PROSER2: variants seen among roughly 807,000 people sequenced by gnomAD.
PROSER2 encodes proline and serine-rich protein 2.
PROSER2 carries 18 observed loss-of-function variants against 14.6 expected under a neutral mutation model. That is an observed-to-expected ratio of 1.23 (90% CI 0.85 to 1.83). PROSER2 has a LOEUF of 1.83. Among genes scored for constraint, PROSER2 ranks in the 40% most tolerant of loss-of-function variants. PROSER2 has a pLI of 0.00. For missense variants in PROSER2, 823 were observed against 629.8 expected (o/e 1.31, Z -3.28); for synonymous variants, 367 against 286.4 (o/e 1.28, Z -2.84).
rs564660106 is a variant in PROSER2, at chr10:11,823,628, C to T, written c.-82+158C>T. On this transcript the variant is annotated intron_variant, in intron 1 of 3. Transcript: ENST00000277570. This position sits in a 1 kb window ranked among gnomAD's most constrained non-coding sequence, Gnocchi z 6.2. ...CGCTCCTCGCTCTGACTAGGGGAGC[C>T]CGGCGCCGCCGCCGCAGAGGCCACC... 2.0e-5 allele frequency among the ~76,000 whole-genome samples: 3 copies of T among 151,972 alleles called. No homozygotes were observed. Among genetic ancestry groups the T allele is most frequent in the Non-Finnish European group, 4.4e-5 (3 of 67,882 alleles).
chr10:11,856,411 C>G lies in PROSER2; in HGVS notation c.138+4196C>G, dbSNP rs115155518. Reference sequence around the variant, plus strand: ...AAGTCGGGTCTGCCTTCACACATCCCGAAGCTTCCTCTAGAAGAAATAGGA... The same window carrying G: ...AAGTCGGGTCTGCCTTCACACATCCGGAAGCTTCCTCTAGAAGAAATAGGA... On this transcript the variant is annotated intron_variant, in intron 2 of 3. Coordinates refer to ENST00000277570, the MANE Select transcript of PROSER2 (RefSeq NM_153256.4). The surrounding 1 kb of genome is among the most constrained non-coding windows in gnomAD (Gnocchi z 5.3). Among the ~76,000 whole-genome samples, 1,488 of 152,300 alleles carry G rather than the reference C, an allele frequency of 9.8e-3. 22 individuals carry two copies. The highest frequency in any genetic ancestry group is 0.034 in the African/African-American group (1,419 of 41,558).
chr10:11,825,649 C>T (rs1364153762), intron 1 of PROSER2, among the ~76,000 whole-genome samples: 1 of 152,180 alleles, frequency 6.6e-6, no homozygotes, highest in Non-Finnish European at 1.5e-5. Context: ...CCCTTGTCCC[C>T]TTTCTAGACT....
rs778849460 is a variant in PROSER2 at position 11,866,723 on chromosome 10, G to T, written c.331G>T (p.Val111Leu). 48 of 1,613,820 alleles carry T rather than the reference G, an allele frequency of 3.0e-5. No individual in the cohort carries two copies. Among genetic ancestry groups the T allele is most frequent in the Admixed American group, 6.7e-5 (4 of 60,012 alleles). ...PSEPEDVIDL[V>L]QPAPGAGEAE... Reference sequence around the variant, plus strand: ...CGAGCCTGAAGATGTCATCGACTTAGTGCAGCCAGCACCTGGCGCCGGGGA... The same window carrying T: ...CGAGCCTGAAGATGTCATCGACTTATTGCAGCCAGCACCTGGCGCCGGGGA... Residue 111 changes from valine (V) to leucine (L), a missense_variant, in exon 3 of 4, where the codon GTG becomes TTG. Physicochemically the swap from Val to Leu is conservative, Grantham distance 32. Transcript: ENST00000277570. This position sits in a 1 kb window ranked among gnomAD's most constrained non-coding sequence, Gnocchi z 6.0.
At chr10:11,859,894 T>C (rs1444838449) in intron 2 of PROSER2, among the ~76,000 whole-genome samples, 1 of 152,194 alleles carries the variant, frequency 6.6e-6, no homozygotes, top group Non-Finnish European at 1.5e-5. Flanking sequence ...GCCCCTGCCC[T>C]CATCGCCATG....
At position 11,869,464 on chromosome 10, in the gene PROSER2, TCA is replaced by T. The variant is rs1834419119; in HGVS notation, c.392-23_392-22del. On this transcript the variant is annotated intron_variant, in intron 3 of 3. Transcript: ENST00000277570. This position sits in a 1 kb window ranked among gnomAD's most constrained non-coding sequence, Gnocchi z 4.4. ...ATTTACTTTCACGTGGGCCGGTGGC[TCA>T]CAGGCTCCTCCCTTGTCTTCCAGGG... The T allele has an allele frequency of 1.3e-5, 20 of 1,575,406 alleles. No individual in the cohort carries two copies. Among genetic ancestry groups the T allele is most frequent in the Non-Finnish European group, 1.7e-5 (20 of 1,145,172 alleles).
At position 11,870,170 on chromosome 10, in the gene PROSER2, T is replaced by C; in HGVS notation, c.1072T>C (p.Ser358Pro). Residue 358 changes from serine (S) to proline (P), a missense_variant, in exon 4 of 4, where the codon TCC becomes CCC. Transcript: ENST00000277570. ...AHEALKSAPS[S>P]FAPAGKSLCF... ...CGAGGCCCTGAAGAGCGCACCCAGC[T>C]CCTTCGCGCCCGCTGGGAAGTCCCT... is the stretch of plus-strand genomic sequence containing the variant. 1 of 1,477,134 alleles carries C rather than the reference T, an allele frequency of 6.8e-7. No individual in the cohort carries two copies. The highest frequency in any genetic ancestry group is 8.9e-7 in the Non-Finnish European group (1 of 1,121,184). 91.5% of individuals were successfully genotyped at this position (1,477,134 alleles called of 1,614,324 possible). A position where few individuals can be genotyped will look rare whatever the true frequency, so the allele number is the denominator to read the frequency against.
At chr10:11,824,285 C>G (rs1463129032) in intron 1 of PROSER2, among the ~76,000 whole-genome samples, 1 of 152,060 alleles carries the variant, frequency 6.6e-6, no homozygotes, top group African/African-American at 2.4e-5. Flanking sequence ...ACGTTCAGAT[C>G]TGTAGGAAGA....
At chr10:11,844,621 C>T (rs1442695313) in intron 1 of PROSER2, among the ~76,000 whole-genome samples, 4 of 152,034 alleles carry the variant, frequency 2.6e-5, no homozygotes, top group Non-Finnish European at 5.9e-5. Flanking sequence ...GGAGAGCTTC[C>T]TCATTCTTTT....
At position 11,869,866 on chromosome 10, in the gene PROSER2, C is replaced by T; in HGVS notation, c.768C>T (p.Asn256=). ...AQPKAPRFPS[N]IIVTNGAARE... Reference sequence around the variant, plus strand: ...CCAAGGCACCCCGCTTCCCCAGCAACATCATCGTCACCAACGGCGCGGCCC... The same window carrying T: ...CCAAGGCACCCCGCTTCCCCAGCAATATCATCGTCACCAACGGCGCGGCCC... Residue 256 remains asparagine (N), a synonymous_variant, in exon 4 of 4, where the codon AAC becomes AAT. Transcript: ENST00000277570. The surrounding 1 kb of genome is among the most constrained non-coding windows in gnomAD (Gnocchi z 4.4). The T allele has an allele frequency of 6.3e-7, 1 of 1,594,774 alleles. No individual in the cohort carries two copies. Among genetic ancestry groups the T allele is most frequent in the Non-Finnish European group, 8.5e-7 (1 of 1,172,676 alleles).
rs1834498882 is a variant in PROSER2, at chr10:11,872,023, C to T, written c.*1617C>T. 1 of 152,172 alleles carries T rather than the reference C, an allele frequency of 6.6e-6. No homozygotes were observed. The highest frequency in any genetic ancestry group is 6.5e-5 in the Admixed American group (1 of 15,278). 9.4% of individuals were successfully genotyped at this position (152,172 alleles called of 1,614,324 possible). A position where few individuals can be genotyped will look rare whatever the true frequency, so the allele number is the denominator to read the frequency against. The stretch of plus-strand genomic sequence containing the variant: ...TCAAAAGTAGTTACTGTAAATTTTA[C>T]TCCTGTTAATGCTGGATTGGTTTAA... On this transcript the variant is annotated 3_prime_UTR_variant, in exon 4 of 4. Transcript: ENST00000277570.
intron 2 of PROSER2, among the ~76,000 whole-genome samples, chr10:11,860,553 T>C (rs1187972718): frequency 6.6e-6 from 1 of 151,816 alleles, no homozygotes; most frequent in Non-Finnish European, 1.5e-5. Flanking sequence ...AGGCGGAGAT[T>C]GCAGTGAGCC....
chr10:11,828,949 C>T (rs989050950), intron 1 of PROSER2, among the ~76,000 whole-genome samples: 2 of 152,126 alleles, frequency 1.3e-5, no homozygotes, highest in African/African-American at 4.8e-5. Flanking sequence ...AGCTGGAGAA[C>T]GTAGCATTTG....
chr10:11,849,764 G>C (rs961673593), intron 1 of PROSER2: 1 of 152,364 alleles, frequency 6.6e-6, no homozygotes, highest in African/African-American at 2.4e-5. Flanking sequence ...GAGGACAGCA[G>C]GTGGCGGCTG....
intron 1 of PROSER2, 99 bp from the exon 2 acceptor site, chr10:11,851,898 T>C: frequency 1.9e-6 from 1 of 521,536 alleles, no homozygotes; most frequent in East Asian, 3.5e-5. Context: ...AATGGTCGAG[T>C]CTGAGAGTGG....
At position 11,835,222 on chromosome 10, in the gene PROSER2, G is replaced by A. The variant is rs564943487; in HGVS notation, c.-82+11752G>A. On this transcript the variant is annotated intron_variant, in intron 1 of 3. Coordinates refer to ENST00000277570, the MANE Select transcript of PROSER2 (RefSeq NM_153256.4). ...TCTTTTGACCTTGGAGGAAGAAAAC[G>A]CTCTAGGAGCCCCAGCTCCTCTTAC... 5.9e-5 allele frequency among the ~76,000 whole-genome samples: 9 copies of A among 152,156 alleles called. No individual in the cohort carries two copies. The South Asian group carries it at 1.0e-3, about 18-fold the overall frequency.
At chr10:11,835,552 A>C (rs867487908) in intron 1 of PROSER2, among the ~76,000 whole-genome samples, 1 of 152,232 alleles carries the variant, frequency 6.6e-6, no homozygotes, top group Admixed American at 6.5e-5. Flanking sequence ...AGTTTCCTTC[A>C]ATTTATGAAT....
chr10:11,868,299 A>G (rs1056831388), intron 3 of PROSER2, among the ~76,000 whole-genome samples: 2 of 152,214 alleles, frequency 1.3e-5, no homozygotes, highest in Admixed American at 1.3e-4. Flanking sequence ...TTTCTGAGAC[A>G]GGAACTCTCT....
intron 1 of PROSER2, among the ~76,000 whole-genome samples, chr10:11,831,043 A>T (rs1383463235): frequency 2.6e-5 from 4 of 152,196 alleles, no homozygotes; most frequent in Non-Finnish European, 5.9e-5. Context: ...GTCTTGTGTG[A>T]GCTTCTTCCA....
Position 11,866,950 on chromosome 10 carries a change from A to AAT in PROSER2, c.391+168_391+169dup, listed in dbSNP as rs1429052599. Among the ~76,000 whole-genome samples the AAT allele has an allele frequency of 1.3e-5, 2 of 152,164 alleles. No individual in the cohort carries two copies. Among genetic ancestry groups the AAT allele is most frequent in the Non-Finnish European group, 2.9e-5 (2 of 68,022 alleles). ...GCAGTTTCATCATCCAGCAAAGGGA[A>AAT]ATGCCAGAGGGCCTAGAATAAAGAA... On this transcript the variant is annotated intron_variant, in intron 3 of 3. Transcript: ENST00000277570. The surrounding 1 kb of genome is among the most constrained non-coding windows in gnomAD (Gnocchi z 6.0).
Sources: gnomAD v4.1 joint callset for allele counts (sites outside exome capture counted in the v4.1 genomes callset) on GRCh38, gnomAD v4.1.1 for gene constraint, Gnocchi (gnomAD v3.1) non-coding constraint, MANE v1.5 for transcripts, NCBI Gene and HGNC (gene_info 2026-07-23, HGNC 2026-07-21) for gene names.